CSMD1: variants seen among roughly 807,000 people sequenced by gnomAD.
CSMD1 encodes the protein CUB and sushi domain-containing protein 1.
A neutral mutation model predicts 417.5 loss-of-function variants in CSMD1; 213 were observed. The observed-to-expected ratio is 0.51, with a 90% CI of 0.46 to 0.57. CSMD1 has a LOEUF of 0.57. Among genes scored for constraint, CSMD1 ranks in the 20% least tolerant of loss-of-function variants. CSMD1 has a pLI of 0.00. For missense variants in CSMD1, 6,923 were observed against 4,529.7 expected, an observed-to-expected ratio of 1.53 and a Z score of -15.17; for synonymous variants, 2,862 against 1,736.8, an observed-to-expected ratio of 1.65 and a Z score of -16.11.
intron 10 of CSMD1, among the ~76,000 whole-genome samples, chr8:3,541,438 G>C (rs759663131): frequency 2.6e-5 from 4 of 151,958 alleles, no homozygotes; most frequent in African/African-American, 9.7e-5. Flanking sequence ...TTAATACCTA[G>C]GTGATGGGTT....
chr8:4,288,040 A>G (rs1797158114), intron 3 of CSMD1, among the ~76,000 whole-genome samples: 1 of 152,248 alleles, frequency 6.6e-6, no homozygotes, highest in Admixed American at 6.5e-5. Context: ...ATCAAAAGAC[A>G]GAAAGCTAAA....
chr8:3,578,477 G>A (rs1053954233), intron 9 of CSMD1, among the ~76,000 whole-genome samples: 4 of 152,160 alleles, frequency 2.6e-5, no homozygotes, highest in African/African-American at 4.8e-5. Context: ...CAAAGGAAGC[G>A]GATGGCTGCC....
At chr8:4,748,026 T>C (rs750882693) in intron 1 of CSMD1, among the ~76,000 whole-genome samples, 3 of 152,190 alleles carry the variant, frequency 2.0e-5, no homozygotes, top group Admixed American at 6.5e-5. Context: ...TCTTCCAAAC[T>C]CTATGTAGAA....
At chr8:3,110,023 T>G in intron 43 of CSMD1, 135 bp downstream of exon 43, 1 of 728,782 alleles carries the variant, frequency 1.4e-6, no homozygotes, top group Non-Finnish European at 2.2e-6. Context: ...ATCTCTGGAT[T>G]TCGTTGGTGA....
At chr8:4,224,381 G>C (rs1243433982) in intron 3 of CSMD1, among the ~76,000 whole-genome samples, 2 of 152,104 alleles carry the variant, frequency 1.3e-5, no homozygotes, top group South Asian at 4.1e-4. Context: ...CACATATTTT[G>C]ATGCCAATTC....
chr8:3,387,290 A>G (rs1048049773), intron 18 of CSMD1, among the ~76,000 whole-genome samples: 1 of 152,224 alleles, frequency 6.6e-6, no homozygotes, highest in African/African-American at 2.4e-5. Context: ...GTTGAAGGAC[A>G]GTTGTTCTAT....
intron 57 of CSMD1, among the ~76,000 whole-genome samples, chr8:2,970,220 C>T (rs554383809): frequency 6.6e-6 from 1 of 152,136 alleles, no homozygotes; most frequent in Admixed American, 6.6e-5. Flanking sequence ...GCCTTCATAG[C>T]CCCACAGAGG....
intron 3 of CSMD1, among the ~76,000 whole-genome samples, chr8:4,284,975 C>T (rs190668660): frequency 1.3e-3 from 196 of 152,328 alleles, no homozygotes; most frequent in African/African-American, 4.5e-3. Flanking sequence ...CTCACCTCGC[C>T]TCACCATGCC....
chr8:4,403,647 T>C (rs1434858986), intron 3 of CSMD1, among the ~76,000 whole-genome samples: 1 of 152,168 alleles, frequency 6.6e-6, no homozygotes, highest in Non-Finnish European at 1.5e-5. Context: ...CGGTGTTTAT[T>C]TGTTTTCATC....
At chr8:3,947,577 C>A (rs1241925841) in intron 5 of CSMD1, among the ~76,000 whole-genome samples, 4 of 152,112 alleles carry the variant, frequency 2.6e-5, no homozygotes, top group African/African-American at 7.2e-5. Flanking sequence ...ATTAAATAAA[C>A]CATGGGTTAT....
intron 5 of CSMD1, among the ~76,000 whole-genome samples, chr8:3,778,273 C>T (rs984286742): frequency 2.6e-5 from 4 of 152,208 alleles, no homozygotes; most frequent in Admixed American, 6.5e-5. Context: ...TTCTATTTGC[C>T]TGTCAGTAGT....
chr8:4,612,434 G>C (rs559014178), intron 2 of CSMD1, among the ~76,000 whole-genome samples: 13 of 152,172 alleles, frequency 8.5e-5, no homozygotes, highest in African/African-American at 2.7e-4. Flanking sequence ...GAAAATAATA[G>C]GGAAGATGCC....
At chr8:4,825,340 T>C (rs1468901446) in intron 1 of CSMD1, among the ~76,000 whole-genome samples, 1 of 152,114 alleles carries the variant, frequency 6.6e-6, no homozygotes. Flanking sequence ...TATTTTCTTG[T>C]GTGCGGTAAG....
intron 1 of CSMD1, among the ~76,000 whole-genome samples, chr8:4,926,257 G>A (rs76487492): frequency 6.6e-6 from 1 of 152,140 alleles, no homozygotes; most frequent in African/African-American, 2.4e-5. Flanking sequence ...ATGAATAAAT[G>A]GATGTATCAC....
chr8:3,958,721 T>C (rs150561276), intron 5 of CSMD1, among the ~76,000 whole-genome samples: 10 of 152,140 alleles, frequency 6.6e-5, no homozygotes, highest in Non-Finnish European at 1.5e-4. Context: ...CATGAGGCTT[T>C]TGTGGTTTAA....
chr8:4,666,240 A>C (rs1280506712), intron 1 of CSMD1, among the ~76,000 whole-genome samples: 1 of 152,166 alleles, frequency 6.6e-6, no homozygotes, highest in Non-Finnish European at 1.5e-5. Context: ...GGTGGAGGGG[A>C]ATCAAGGTAA....
chr8:3,978,120 G>A (rs527326141), intron 5 of CSMD1, among the ~76,000 whole-genome samples: 86 of 152,238 alleles, frequency 5.6e-4, no homozygotes, highest in African/African-American at 1.9e-3. Flanking sequence ...ATAACAAAAC[G>A]AAAAGCAAGC....
At chr8:4,459,232 G>C (rs943176483) in intron 2 of CSMD1, among the ~76,000 whole-genome samples, 2 of 152,168 alleles carry the variant, frequency 1.3e-5, no homozygotes, top group Admixed American at 6.5e-5. Flanking sequence ...AGGAGGTATG[G>C]GAGGCTCAAC....
At chr8:4,453,360 G>C (rs554700122) in intron 2 of CSMD1, among the ~76,000 whole-genome samples, 2 of 152,154 alleles carry the variant, frequency 1.3e-5, no homozygotes, top group African/African-American at 4.8e-5. Context: ...AGTCTGCTGG[G>C]ATTGGGGGTC....
Sources: allele counts gnomAD v4.1 joint callset (sites outside exome capture counted in the v4.1 genomes callset), GRCh38; gene constraint gnomAD v4.1.1; transcripts MANE v1.5; gene names NCBI Gene and HGNC (gene_info 2026-07-23, HGNC 2026-07-21).